Variants in GABRB1 observed in about 807,000 individuals in gnomAD.
GABRB1 encodes gamma-aminobutyric acid receptor subunit beta-1.
A neutral mutation model predicts 51.6 loss-of-function variants in GABRB1; 17 were observed. That is an observed-to-expected ratio of 0.33 (90% CI 0.23 to 0.49). The LOEUF (loss-of-function observed/expected upper bound fraction) is 0.49, where lower values mean the gene tolerates loss of function less well. Ranked by LOEUF, GABRB1 falls within the 20% of genes least tolerant of loss-of-function variation. GABRB1 has a pLI of 0.99. For synonymous variants in GABRB1, 247 were observed against 218.9 expected, an observed-to-expected ratio of 1.13 and a Z score of -1.14; for missense variants, 410 against 600.6, an observed-to-expected ratio of 0.68 and a Z score of 3.32.
chr4:47,183,999 C>T (rs931921955), intron 4 of GABRB1, among the ~76,000 whole-genome samples: 2 of 151,942 alleles, frequency 1.3e-5, no homozygotes, highest in African/African-American at 2.4e-5. Context: ...TTCTTGATCT[C>T]TTCCTAATTC....
At chr4:47,386,831 T>G (rs1727810627) in intron 5 of GABRB1, among the ~76,000 whole-genome samples, 1 of 152,228 alleles carries the variant, frequency 6.6e-6, no homozygotes, top group Non-Finnish European at 1.5e-5. Flanking sequence ...CAGTAATCTA[T>G]GGAAGCAGCT....
intron 4 of GABRB1, among the ~76,000 whole-genome samples, chr4:47,274,091 C>T (rs1398121238): frequency 6.6e-6 from 1 of 151,978 alleles, no homozygotes; most frequent in Non-Finnish European, 1.5e-5. Flanking sequence ...TACTATTTGG[C>T]CCTCTTCTTC....
intron 4 of GABRB1, among the ~76,000 whole-genome samples, chr4:47,172,422 C>T (rs1718477055): frequency 1.3e-5 from 2 of 152,050 alleles, no homozygotes; most frequent in African/African-American, 4.8e-5. Flanking sequence ...CTGAGTGGTT[C>T]AACTCACAAA....
At chr4:47,212,738 C>T (rs1055238071) in intron 4 of GABRB1, among the ~76,000 whole-genome samples, 2 of 152,228 alleles carry the variant, frequency 1.3e-5, no homozygotes, top group South Asian at 4.2e-4. Flanking sequence ...CTACATTTAA[C>T]TTTTAATTAT....
chr4:46,997,744 A>G (rs200839414), intron 1 of GABRB1, among the ~76,000 whole-genome samples: 3 of 144,866 alleles, frequency 2.1e-5, no homozygotes, highest in Non-Finnish European at 4.6e-5. Flanking sequence ...GCACACACGT[A>G]TATATATACA....
At chr4:47,120,797 TC>T (rs971133904) in intron 3 of GABRB1, among the ~76,000 whole-genome samples, 5 of 152,172 alleles carry the variant, frequency 3.3e-5, no homozygotes, top group African/African-American at 1.2e-4. Context: ...AGTGGGGTCC[TC>T]ATGACTCTGC....
At chr4:47,386,363 A>G (rs2110034468) in intron 5 of GABRB1, among the ~76,000 whole-genome samples, 1 of 152,336 alleles carries the variant, frequency 6.6e-6, no homozygotes, top group African/African-American at 2.4e-5. Context: ...TTTCTGAGAC[A>G]TAAAATATTC....
At chr4:47,316,429 C>G (rs952353035) in intron 4 of GABRB1, among the ~76,000 whole-genome samples, 1 of 151,864 alleles carries the variant, frequency 6.6e-6, no homozygotes, top group Non-Finnish European at 1.5e-5. Flanking sequence ...TTATGGCTGA[C>G]TAATATCCCA....
At chr4:47,375,262 G>T (rs1727338820) in intron 5 of GABRB1, among the ~76,000 whole-genome samples, 3 of 152,340 alleles carry the variant, frequency 2.0e-5, no homozygotes, top group Admixed American at 2.0e-4. Context: ...CACTCTAATA[G>T]ATGTGAAGAA....
intron 3 of GABRB1, among the ~76,000 whole-genome samples, chr4:47,071,065 A>G (rs1362338738): frequency 2.0e-5 from 3 of 152,186 alleles, no homozygotes; most frequent in Non-Finnish European, 4.4e-5. Flanking sequence ...CCATTCTTCT[A>G]ATTGCTCAGA....
At chr4:47,361,261 G>C (rs917180716) in intron 5 of GABRB1, among the ~76,000 whole-genome samples, 2 of 152,116 alleles carry the variant, frequency 1.3e-5, no homozygotes. Context: ...TTCTTCTGGG[G>C]ACTTAAGGAA....
chr4:47,349,721 A>G (rs1726237236), intron 5 of GABRB1, among the ~76,000 whole-genome samples: 1 of 152,256 alleles, frequency 6.6e-6, no homozygotes, highest in African/African-American at 2.4e-5. Flanking sequence ...CTGATCTGAA[A>G]AAAATACACA....
At chr4:47,206,304 A>G (rs994545368) in intron 4 of GABRB1, among the ~76,000 whole-genome samples, 2 of 152,048 alleles carry the variant, frequency 1.3e-5, no homozygotes, top group Non-Finnish European at 2.9e-5. Context: ...ACAGTCTATA[A>G]ATAATCCTAG....
chr4:47,266,372 G>A (rs761924357), intron 4 of GABRB1, among the ~76,000 whole-genome samples: 10 of 152,008 alleles, frequency 6.6e-5, no homozygotes, highest in Non-Finnish European at 1.5e-4. Flanking sequence ...CTCCAGCTTT[G>A]TTCTTTTTGC....
chr4:47,032,386 C>A (rs928111015), intron 2 of GABRB1, 31 bp from the exon 3 acceptor site: 4 of 1,555,154 alleles, frequency 2.6e-6, no homozygotes, highest in Non-Finnish European at 3.5e-6. Context: ...CTGAGAGAAT[C>A]TGTTCCTAAT....
At chr4:47,409,041 T>C (rs1332685456) in intron 8 of GABRB1, among the ~76,000 whole-genome samples, 1 of 152,158 alleles carries the variant, frequency 6.6e-6, no homozygotes, top group Non-Finnish European at 1.5e-5. Flanking sequence ...AGTTCCCTGA[T>C]ACGCTCATCT....
intron 4 of GABRB1, among the ~76,000 whole-genome samples, chr4:47,263,533 C>A (rs1196721694): frequency 6.6e-6 from 1 of 152,118 alleles, no homozygotes; most frequent in Non-Finnish European, 1.5e-5. Context: ...TTCTAAAATA[C>A]TGGGATTTTT....
chr4:47,405,668 C>G (rs1356600810), intron 7 of GABRB1, among the ~76,000 whole-genome samples: 1 of 152,096 alleles, frequency 6.6e-6, no homozygotes, highest in Non-Finnish European at 1.5e-5. Context: ...CATTTTCAGG[C>G]TGTTATGACA....
intron 5 of GABRB1, among the ~76,000 whole-genome samples, chr4:47,330,090 G>T (rs574975582): frequency 3.3e-4 from 50 of 152,236 alleles, no homozygotes; most frequent in Admixed American, 1.7e-3. Flanking sequence ...TTCAAAAGCA[G>T]GAAAAAACCT....
Sources: gnomAD v4.1 joint callset for allele counts (sites outside exome capture counted in the v4.1 genomes callset) on GRCh38, gnomAD v4.1.1 for gene constraint, MANE v1.5 for transcripts, NCBI Gene and HGNC (gene_info 2026-07-23, HGNC 2026-07-21) for gene names.